MS4A2: variants seen among roughly 807,000 people sequenced by gnomAD.
The protein encoded by MS4A2 is high affinity immunoglobulin epsilon receptor subunit beta.
Under a neutral mutation model 27.9 loss-of-function variants are expected in MS4A2, and 26 were observed. That is an observed-to-expected ratio of 0.93 (90% CI 0.68 to 1.29). MS4A2 has a LOEUF of 1.29. Among genes scored for constraint, MS4A2 ranks in the 50% most tolerant of loss-of-function variants. MS4A2 has a pLI of 0.00. For synonymous variants in MS4A2, 110 were observed against 98.8 expected, an observed-to-expected ratio of 1.11 and a Z score of -0.67; for missense variants, 284 against 284.6, an observed-to-expected ratio of 1.00 and a Z score of 0.01.
At chr11:60,092,601 C>T (rs532285401) in intron 3 of MS4A2, among the ~76,000 whole-genome samples, 191 bp from the exon 4 acceptor site, 4 of 152,022 alleles carry the variant, frequency 2.6e-5, no homozygotes, top group East Asian at 1.9e-4. Context: ...CAGCCTTATT[C>T]GTATACACAT....
At position 60,096,605 on chromosome 11, in the gene MS4A2, C is replaced by T. The variant is rs559438206; in HGVS notation, c.*949C>T. ...ATGTTGATAGAATGATAAAAAGGGT[C>T]GGGCGCGGAGGCTCACGCCTGTAAT... On this transcript the variant is annotated 3_prime_UTR_variant, in exon 7 of 7. Coordinates refer to ENST00000278888, the MANE Select transcript of MS4A2 (RefSeq NM_000139.5). 2.0e-5 allele frequency: 3 copies of T among 152,140 alleles called. No individual in the cohort carries two copies. Among genetic ancestry groups the T allele is most frequent in the Non-Finnish European group, 4.4e-5 (3 of 68,022 alleles). 9.4% of individuals were successfully genotyped at this position (152,140 alleles called of 1,614,324 possible).
chr11:60,088,931 T>A, intron 1 of MS4A2, 110 bp downstream of exon 1: 1 of 1,091,964 alleles, frequency 9.2e-7, no homozygotes. Flanking sequence ...TGGATCCATC[T>A]AGTTTAATTA....
Position 60,093,992 on chromosome 11 carries a change from C to T in MS4A2, c.566C>T (p.Thr189Ile), listed in dbSNP as rs1447288836. The part of the protein sequence containing the change: ...TEIVVMMLFL[T>I]ILGLGSAVSL... ...ATTGTAGTGATGATGCTGTTTCTCA[C>T]CATTCTGGGACTTGGTAGTGCTGTG... The change falls in exon 6 of 7, where the codon ACC (threonine) becomes ATC (isoleucine). Residue 189 changes from threonine (T) to isoleucine (I), a missense_variant. Physicochemically the swap from Thr to Ile is moderately conservative, Grantham distance 89. Transcript: ENST00000278888. 2 of 1,613,892 alleles carry T rather than the reference C, an allele frequency of 1.2e-6. No homozygotes were observed. Among genetic ancestry groups the T allele is most frequent in the Non-Finnish European group, 1.7e-6 (2 of 1,179,814 alleles).
At chr11:60,090,052 T>G (rs1184212957) in intron 2 of MS4A2, among the ~76,000 whole-genome samples, 1 of 152,252 alleles carries the variant, frequency 6.6e-6, no homozygotes, top group Admixed American at 6.5e-5. Flanking sequence ...GAAGGATTCA[T>G]AATCTTTATC....
At chr11:60,094,483 T>C (rs891216801) in intron 6 of MS4A2, among the ~76,000 whole-genome samples, 2 of 152,144 alleles carry the variant, frequency 1.3e-5, no homozygotes, top group East Asian at 3.8e-4. Flanking sequence ...TTTTCTTTCC[T>C]TTCTGATTCA....
chr11:60,098,365 C>T lies in MS4A2; in HGVS notation c.*2709C>T, dbSNP rs929109606. On this transcript the variant is annotated 3_prime_UTR_variant, in exon 7 of 7. Coordinates refer to ENST00000278888, the MANE Select transcript of MS4A2 (RefSeq NM_000139.5). ...TTTCTTGCTCCATAACTACTCTATC[C>T]CACGATGCAGTATTGTATCATTAAT... The T allele has an allele frequency of 6.6e-6, 1 of 152,182 alleles. No individual in the cohort carries two copies. The highest frequency in any genetic ancestry group is 2.4e-5 in the African/African-American group (1 of 41,432). The allele number at this position is 152,182 out of a possible 1,614,324, so 9.4% of individuals were successfully genotyped here.
chr11:60,091,147 G>A (rs901986250), intron 3 of MS4A2, among the ~76,000 whole-genome samples: 2 of 152,072 alleles, frequency 1.3e-5, no homozygotes, highest in African/African-American at 2.4e-5. Flanking sequence ...GCGAAACTCT[G>A]TCTCAAAATA....
At position 60,090,401 on chromosome 11, in the gene MS4A2, T is replaced by C. The variant is rs1471114004; in HGVS notation, c.252T>C (p.Asp84=). ...CFGTVVCSVL[D]ISHIEGDIFS... is the part of the protein sequence containing the mutation. ...GAACAGTTGTCTGCTCTGTACTTGA[T>C]ATTTCACACATTGAGGGAGACATTT... Residue 84 remains aspartate, a synonymous_variant, in exon 3 of 7, where the codon GAT becomes GAC. Transcript: ENST00000278888. 6.2e-6 allele frequency: 10 copies of C among 1,613,560 alleles called. No homozygotes were observed. The highest frequency in any genetic ancestry group is 7.6e-6 in the Non-Finnish European group (9 of 1,179,870).
chr11:60,091,280 G>A (rs1199671589), intron 3 of MS4A2, among the ~76,000 whole-genome samples: 1 of 152,130 alleles, frequency 6.6e-6, no homozygotes, highest in Non-Finnish European at 1.5e-5. Flanking sequence ...ACTCTTTTAG[G>A]TATTTTCTCC....
chr11:60,093,494 A>G lies in MS4A2; in HGVS notation c.473A>G (p.Tyr158Cys), dbSNP rs183666025. The G allele has an allele frequency of 1.8e-5, 29 of 1,614,238 alleles. No homozygotes were observed. The East Asian group carries it at 4.2e-4, about 24-fold the overall frequency. The change falls in exon 5 of 7, where the codon TAT becomes TGT. Residue 158 changes from tyrosine to cysteine, a missense_variant. Tyr to Cys is a radical substitution (Grantham distance 194). Coordinates refer to ENST00000278888, the MANE Select transcript of MS4A2 (RefSeq NM_000139.5). ...ATCAACCTGAAGAAGAGCTTGGCCTATATCCACATCCACAGTTGCCAGAAA... is the reference window on the plus strand; with the variant it reads ...ATCAACCTGAAGAAGAGCTTGGCCTGTATCCACATCCACAGTTGCCAGAAA... ...LIINLKKSLA[Y>C]IHIHSCQKFF...
At chr11:60,093,802 TTGTGTG>T (rs60162275) in intron 5 of MS4A2, 156 bp from the exon 6 acceptor site, 29,721 of 622,634 alleles carry the variant, frequency 0.048, 1 homozygote, top group South Asian at 0.086. Context: ...GTGCCTGTGT[TTGTGTG>T]TGTGTGTGTG....
In MS4A2 at chr11:60,093,271, T is replaced by C. The variant is rs556488934; in HGVS notation, c.379-129T>C. On this transcript the variant is annotated intron_variant, in intron 4 of 6. Transcript: ENST00000278888. Reference sequence around the variant, plus strand: ...AAACAATGCGGACATTTTCAGGGTTTCCCTTTTTAACCAAAATTTGGAAGC... The same window carrying C: ...AAACAATGCGGACATTTTCAGGGTTCCCCTTTTTAACCAAAATTTGGAAGC... The C allele has an allele frequency of 4.3e-6, 5 of 1,157,544 alleles. No homozygotes were observed. The East Asian group carries it at 1.3e-4, about 29-fold the overall frequency. The allele number at this position is 1,157,544 out of a possible 1,614,324, so 71.7% of individuals were successfully genotyped here. A position where few individuals can be genotyped will look rare whatever the true frequency, so the allele number is the denominator to read the frequency against.
chr11:60,095,476 A>C (rs1855852758), intron 6 of MS4A2, 82 bp from the exon 7 acceptor site: 1 of 837,370 alleles, frequency 1.2e-6, no homozygotes, highest in African/African-American at 1.7e-5. Context: ...AGACAAAAGT[A>C]GATGAGGTAA....
At position 60,093,477 on chromosome 11, in the gene MS4A2, G is replaced by T; in HGVS notation, c.456G>T (p.Leu152=). Residue 152 remains leucine, a synonymous_variant, in exon 5 of 7, where the codon CTG becomes CTT. Transcript: ENST00000278888. ...GAATTACCATCCTGATCATCAACCT[G>T]AAGAAGAGCTTGGCCTATATCCACA... is the stretch of plus-strand genomic sequence containing the variant. The part of the protein sequence containing the change: ...GTGITILIIN[L]KKSLAYIHIH... 6.2e-7 allele frequency: 1 copy of T among 1,614,182 alleles called. No individual in the cohort carries two copies. Among genetic ancestry groups the T allele is most frequent in the Non-Finnish European group, 8.5e-7 (1 of 1,180,030 alleles).
chr11:60,094,754 G>T (rs1186200080), intron 6 of MS4A2, among the ~76,000 whole-genome samples: 1 of 152,182 alleles, frequency 6.6e-6, no homozygotes, highest in Non-Finnish European at 1.5e-5. Flanking sequence ...TTCAAAACCA[G>T]CCTGGCCAAA....
chr11:60,097,768 C>T lies in MS4A2; in HGVS notation c.*2112C>T, dbSNP rs978068947. 1.2e-4 allele frequency: 18 copies of T among 152,134 alleles called. No homozygotes were observed. Among genetic ancestry groups the T allele is most frequent in the African/African-American group, 3.6e-4 (15 of 41,424 alleles). 9.4% of individuals were successfully genotyped at this position (152,134 alleles called of 1,614,324 possible). A position where few individuals can be genotyped will look rare whatever the true frequency, so the allele number is the denominator to read the frequency against. ...TTTCCCTAGATTGTGAAAGTGATCA[C>T]GACAATCACACAACAAATAATTAAG... is the stretch of plus-strand genomic sequence containing the variant. On this transcript the variant is annotated 3_prime_UTR_variant, in exon 7 of 7. Transcript: ENST00000278888.
chr11:60,088,963 T>G (rs1855705522), intron 1 of MS4A2, 142 bp downstream of exon 1: 1 of 840,904 alleles, frequency 1.2e-6, no homozygotes, highest in Non-Finnish European at 1.9e-6. Flanking sequence ...ATGAGGAAGC[T>G]ACTTGCTGTA....
chr11:60,089,553 T>A (rs1395208367), intron 1 of MS4A2, 139 bp from the exon 2 acceptor site: 15 of 1,157,096 alleles, frequency 1.3e-5, no homozygotes, highest in East Asian at 1.2e-4. Context: ...GAGCTTTAGT[T>A]TCTTGGTGAT....
intron 3 of MS4A2, among the ~76,000 whole-genome samples, chr11:60,092,566 G>T (rs1188626727): frequency 6.6e-6 from 1 of 152,124 alleles, no homozygotes; most frequent in Non-Finnish European, 1.5e-5. Context: ...AAAGTGCTGG[G>T]ATTACAGACA....
Sources: allele counts gnomAD v4.1 joint callset (sites outside exome capture counted in the v4.1 genomes callset), GRCh38; gene constraint gnomAD v4.1.1; transcripts MANE v1.5; gene names NCBI Gene and HGNC (gene_info 2026-07-23, HGNC 2026-07-21).